Variants in GREB1 observed in about 807,000 individuals in gnomAD.
GREB1 encodes the protein growth regulating estrogen receptor binding 1.
A neutral mutation model predicts 200.7 loss-of-function variants in GREB1; 106 were observed. That is an observed-to-expected ratio of 0.53 (90% CI 0.45 to 0.62). The LOEUF (loss-of-function observed/expected upper bound fraction) is 0.62. Ranked by LOEUF, GREB1 falls within the 20% of genes least tolerant of loss-of-function variation. The pLI is 0.00. For missense variants in GREB1, 2,243 were observed against 2,556.8 expected (o/e 0.88, Z 2.65); for synonymous variants, 1,132 against 1,092.4 (o/e 1.04, Z -0.72).
chr2:11,535,717 A>G (rs1172371312), intron 1 of GREB1, among the ~76,000 whole-genome samples: 1 of 152,200 alleles, frequency 6.6e-6, no homozygotes, highest in East Asian at 1.9e-4. Flanking sequence ...AAAGTCTTTA[A>G]CTAGATGGGA....
At chr2:11,565,689 G>A (rs1245604781) in intron 3 of GREB1, among the ~76,000 whole-genome samples, 1 of 152,206 alleles carries the variant, frequency 6.6e-6, no homozygotes, top group Non-Finnish European at 1.5e-5. Flanking sequence ...AGGTTCTGAA[G>A]GGCATGGAAT....
chr2:11,631,323 G>A (rs2148421921), intron 26 of GREB1, among the ~76,000 whole-genome samples: 1 of 152,296 alleles, frequency 6.6e-6, no homozygotes, highest in Middle Eastern at 3.4e-3. Flanking sequence ...GTGATTGGGG[G>A]GTGTTGTGTG....
chr2:11,570,591 G>C (rs1678169874), intron 4 of GREB1, among the ~76,000 whole-genome samples: 1 of 151,676 alleles, frequency 6.6e-6, no homozygotes. Context: ...AAAGCATTTA[G>C]TTGCTGTATC....
chr2:11,590,312 G>C (rs1680601318), intron 10 of GREB1, among the ~76,000 whole-genome samples: 1 of 152,020 alleles, frequency 6.6e-6, no homozygotes. Flanking sequence ...TGAGAACTTG[G>C]ACTCCGATTG....
rs573500283 is a variant in GREB1, at chr2:11,483,601, G to A, written c.-159+1220G>A. Among the ~76,000 whole-genome samples, 364 of 151,874 alleles carry A rather than the reference G, an allele frequency of 2.4e-3. 1 individual carries two copies. Among genetic ancestry groups the A allele is most frequent in the South Asian group, 0.02 (97 of 4,800 alleles). On this transcript the variant is annotated intron_variant, in intron 1 of 2. Transcript: ENST00000628795. Reference sequence around the variant, plus strand: ...TTTAGGGGCCCCTGCACTTGAAGAGGATGCTTCAGGGGAGGTGGGGACTTC... The same window carrying A: ...TTTAGGGGCCCCTGCACTTGAAGAGAATGCTTCAGGGGAGGTGGGGACTTC...
At chr2:11,487,106 A>C (rs1271941241) in intron 1 of GREB1, among the ~76,000 whole-genome samples, 1 of 152,142 alleles carries the variant, frequency 6.6e-6, no homozygotes, top group East Asian at 1.9e-4. Context: ...TAACAATTTC[A>C]TGGTCTATTG....
At position 11,592,863 on chromosome 2, in the gene GREB1, A is replaced by T; in HGVS notation, c.1433A>T (p.Tyr478Phe). 2 of 1,599,686 alleles carry T rather than the reference A, an allele frequency of 1.3e-6. No individual in the cohort carries two copies. Among genetic ancestry groups the T allele is most frequent in the Non-Finnish European group, 1.7e-6 (2 of 1,175,274 alleles). Residue 478 changes from tyrosine to phenylalanine, a missense_variant, in exon 11 of 33, where the codon TAC becomes TTC. Around this residue, in one of 3 missense-constraint regions of GREB1, gnomAD observed 1,178 missense variants for 1,387.4 expected, o/e 0.85. Coordinates refer to ENST00000381486, the MANE Select transcript of GREB1 (RefSeq NM_014668.4). Reference sequence around the variant, plus strand: ...TCGCACCTGACCGAGATCCGGCAGTACCAGCAGGCGCCGCCGCAGCCCTTC... The same window carrying T: ...TCGCACCTGACCGAGATCCGGCAGTTCCAGCAGGCGCCGCCGCAGCCCTTC... ...RESHLTEIRQ[Y>F]QQAPPQPFPP...
At chr2:11,613,791 T>A (rs566532878) in intron 19 of GREB1, among the ~76,000 whole-genome samples, 1 of 152,362 alleles carries the variant, frequency 6.6e-6, no homozygotes, top group African/African-American at 2.4e-5. Flanking sequence ...ACTTTTCATA[T>A]GAAACTTACT....
At chr2:11,615,642 C>T (rs1376920594) in intron 20 of GREB1, among the ~76,000 whole-genome samples, 1 of 152,246 alleles carries the variant, frequency 6.6e-6, no homozygotes, top group East Asian at 1.9e-4. Flanking sequence ...GTTCCACTCA[C>T]TGGTGGAATT....
At chr2:11,510,765 C>G (rs1673326845) in intron 1 of GREB1, among the ~76,000 whole-genome samples, 2 of 147,894 alleles carry the variant, frequency 1.4e-5, no homozygotes, top group African/African-American at 2.5e-5. Context: ...CTGTGGCTCA[C>G]TGCAACCTCC....
chr2:11,640,175 C>G lies in GREB1; in HGVS notation c.5687-116C>G. 2 of 941,872 alleles carry G rather than the reference C, an allele frequency of 2.1e-6. No homozygotes were observed. The highest frequency in any genetic ancestry group is 3.4e-5 in the South Asian group (2 of 58,224). 58.3% of individuals were successfully genotyped at this position (941,872 alleles called of 1,614,324 possible). On this transcript the variant is annotated intron_variant, in intron 32 of 32. Coordinates refer to ENST00000381486, the MANE Select transcript of GREB1 (RefSeq NM_014668.4). This position sits in a 1 kb window ranked among gnomAD's most constrained non-coding sequence, Gnocchi z 4.6. ...AAGCAAGGGGCCGACTTGGATGCCGCTTCTGCCCTTCCCAACAGCGCCCTG... is the reference window on the plus strand; with the variant it reads ...AAGCAAGGGGCCGACTTGGATGCCGGTTCTGCCCTTCCCAACAGCGCCCTG...
intron 10 of GREB1, chr2:11,591,523 T>G (rs1405439203): frequency 1.4e-6 from 1 of 704,636 alleles, no homozygotes; most frequent in Non-Finnish European, 2.7e-6. Flanking sequence ...ACAAATCAAG[T>G]CATCTTTTTC....
chr2:11,536,006 G>C (rs774458654), intron 1 of GREB1, among the ~76,000 whole-genome samples: 56 of 152,208 alleles, frequency 3.7e-4, no homozygotes, highest in African/African-American at 1.3e-3. Flanking sequence ...ATTGGCCAAG[G>C]GCGTACATCT....
intron 27 of GREB1, among the ~76,000 whole-genome samples, chr2:11,632,333 CTCTTTT>C (rs919286205): frequency 2.1e-5 from 3 of 140,492 alleles, no homozygotes; most frequent in African/African-American, 8.0e-5. Flanking sequence ...CTTTCTTTCT[CTCTTTT>C]TTTTTTTTTT....
chr2:11,578,474 C>T, intron 6 of GREB1, 43 bp downstream of exon 6: 2 of 1,600,288 alleles, frequency 1.2e-6, no homozygotes, highest in Non-Finnish European at 1.7e-6. Context: ...ACCCACAGAG[C>T]TGGCACTGTC....
At chr2:11,518,538 T>A (rs1167834561) in intron 1 of GREB1, among the ~76,000 whole-genome samples, 3 of 106,216 alleles carry the variant, frequency 2.8e-5, no homozygotes, top group Non-Finnish European at 1.9e-5. Flanking sequence ...GGGTAGGGGG[T>A]GGGGGTGTGT....
intron 17 of GREB1, among the ~76,000 whole-genome samples, chr2:11,603,808 T>C (rs1455425215): frequency 6.6e-6 from 1 of 152,254 alleles, no homozygotes; most frequent in Admixed American, 6.5e-5. Context: ...ATGATGTGTT[T>C]AGTATGTTGT....
At chr2:11,593,515 C>G (rs957636844) in intron 11 of GREB1, among the ~76,000 whole-genome samples, 4 of 152,232 alleles carry the variant, frequency 2.6e-5, no homozygotes, top group African/African-American at 9.6e-5. Flanking sequence ...GAGACAAGGT[C>G]TCACTCTGTT....
intron 17 of GREB1, among the ~76,000 whole-genome samples, chr2:11,602,824 A>C (rs1204652579): frequency 6.6e-6 from 1 of 152,234 alleles, no homozygotes; most frequent in Non-Finnish European, 1.5e-5. Context: ...GGAGGGTAGG[A>C]AAATGGGAGG....
Sources: allele counts gnomAD v4.1 joint callset (sites outside exome capture counted in the v4.1 genomes callset), GRCh38; gene constraint gnomAD v4.1.1; regional missense constraint gnomAD v4.1.1; non-coding constraint Gnocchi (gnomAD v3.1); transcripts MANE v1.5; gene names NCBI Gene and HGNC (gene_info 2026-07-23, HGNC 2026-07-21).